ROBO1: variants seen among roughly 807,000 people sequenced by gnomAD.
ROBO1 encodes roundabout homolog 1.
Under a neutral mutation model 195.9 loss-of-function variants are expected in ROBO1, and 149 were observed. The observed-to-expected ratio is 0.76, with a 90% CI of 0.67 to 0.87. The LOEUF is 0.87. Among genes scored for constraint, ROBO1 ranks in the 40% least tolerant of loss-of-function variants. The probability of loss-of-function intolerance (pLI) is 0.00; values close to 1 mark genes in which losing one functional copy is unlikely to be tolerated. For synonymous variants in ROBO1, 816 were observed against 733.2 expected (o/e 1.11, Z -1.82); for missense variants, 1,933 against 2,068.3 (o/e 0.93, Z 1.27).
chr3:78,646,122 A>T, intron 21 of ROBO1, 26 bp downstream of exon 21: 2 of 1,595,052 alleles, frequency 1.3e-6, no homozygotes, highest in East Asian at 2.2e-5. Flanking sequence ...TCCCTGTAGG[A>T]TCTACAAAAC....
chr3:79,085,997 A>G (rs1253399739), intron 3 of ROBO1, among the ~76,000 whole-genome samples: 1 of 152,232 alleles, frequency 6.6e-6, no homozygotes, highest in Non-Finnish European at 1.5e-5. Context: ...TATTACAAAC[A>G]GCTGATAAGA....
chr3:78,867,244 C>CA (rs2035237862), intron 4 of ROBO1, among the ~76,000 whole-genome samples: 1 of 152,126 alleles, frequency 6.6e-6, no homozygotes, highest in Non-Finnish European at 1.5e-5. Flanking sequence ...GCTACCTTGT[C>CA]AGGAAACTGG....
intron 4 of ROBO1, chr3:78,938,290 C>T: frequency 3.3e-6 from 1 of 301,598 alleles, no homozygotes; most frequent in East Asian, 8.3e-5. Flanking sequence ...GCACATGGTT[C>T]CCTATTCAAT....
intron 1 of ROBO1, among the ~76,000 whole-genome samples, chr3:79,701,737 A>AT (rs1168419315): frequency 6.6e-6 from 1 of 151,786 alleles, no homozygotes; most frequent in Non-Finnish European, 1.5e-5. Flanking sequence ...ACCAAGTGAG[A>AT]TGTACATGTA....
chr3:79,091,283 T>A (rs2079475377), intron 3 of ROBO1, among the ~76,000 whole-genome samples: 1 of 152,184 alleles, frequency 6.6e-6, no homozygotes, highest in African/African-American at 2.4e-5. Flanking sequence ...TGGATGAGAC[T>A]GTCCATTGCA....
chr3:79,757,219 T>G (rs754557366), intron 1 of ROBO1, among the ~76,000 whole-genome samples: 1 of 152,202 alleles, frequency 6.6e-6, no homozygotes, highest in Non-Finnish European at 1.5e-5. Context: ...ATGTTTAATT[T>G]TTTTAGGAAC....
At chr3:78,730,972 A>G (rs534579964) in intron 5 of ROBO1, among the ~76,000 whole-genome samples, 3 of 152,284 alleles carry the variant, frequency 2.0e-5, no homozygotes, top group African/African-American at 4.8e-5. Flanking sequence ...AAAATTATCA[A>G]TAGGTACTTT....
intron 5 of ROBO1, among the ~76,000 whole-genome samples, chr3:78,734,394 C>G (rs1197233029): frequency 4.7e-5 from 1 of 21,098 alleles, no homozygotes; most frequent in Non-Finnish European, 8.8e-5. Flanking sequence ...GACCCCACCG[C>G]CACAAAAAAA....
At chr3:78,614,909 GA>G (rs1481458212) in intron 27 of ROBO1, 109 bp from the exon 28 acceptor site, 5 of 1,140,206 alleles carry the variant, frequency 4.4e-6, no homozygotes, top group African/African-American at 1.6e-5. Context: ...TAATTTTTCT[GA>G]AAAGCAACAA....
rs563352082 is a variant in ROBO1 at position 78,952,925 on chromosome 3, T to C, written c.173-13998A>G. Among the ~76,000 whole-genome samples the C allele has an allele frequency of 2.6e-5, 4 of 152,202 alleles. No individual in the cohort carries two copies. The East Asian group carries it at 5.8e-4, about 22-fold the overall frequency. On this transcript the variant is annotated intron_variant, in intron 3 of 30. Transcript: ENST00000464233. ...AACCCTAATAATTAACTGAGTGCCA[T>C]TGGTAGAATTTATCATCTAAAATGG...
intron 2 of ROBO1, among the ~76,000 whole-genome samples, chr3:79,273,857 G>T (rs2030787884): frequency 6.6e-6 from 1 of 151,914 alleles, no homozygotes; most frequent in Admixed American, 6.6e-5. Context: ...AGACAAAACA[G>T]ATTTAAAAAA....
At chr3:78,929,298 T>C (rs762386296) in intron 4 of ROBO1, among the ~76,000 whole-genome samples, 55 of 152,246 alleles carry the variant, frequency 3.6e-4, no homozygotes, top group Non-Finnish European at 6.9e-4. Flanking sequence ...GATAACCAGA[T>C]GCACCTTTCC....
chr3:79,125,845 C>A (rs977766592), intron 2 of ROBO1, among the ~76,000 whole-genome samples: 1 of 152,154 alleles, frequency 6.6e-6, no homozygotes, highest in African/African-American at 2.4e-5. Context: ...GCCGCCAGCA[C>A]GGACTGAGAG....
chr3:79,688,879 T>A (rs1947215688), intron 1 of ROBO1, among the ~76,000 whole-genome samples: 1 of 152,042 alleles, frequency 6.6e-6, no homozygotes, highest in South Asian at 2.1e-4. Flanking sequence ...TACACATGCA[T>A]GCACATGTAA....
chr3:79,301,102 T>C (rs948043765), intron 2 of ROBO1, among the ~76,000 whole-genome samples: 1 of 152,064 alleles, frequency 6.6e-6, no homozygotes, highest in African/African-American at 2.4e-5. Context: ...CTCTTTGCAA[T>C]AAATGTTGCT....
intron 2 of ROBO1, among the ~76,000 whole-genome samples, chr3:79,393,737 A>G (rs2037039022): frequency 1.3e-5 from 2 of 152,178 alleles, no homozygotes; most frequent in Admixed American, 1.3e-4. Context: ...CTTATTATAA[A>G]GAGCATGTCT....
At chr3:79,153,749 A>G (rs2080812313) in intron 2 of ROBO1, among the ~76,000 whole-genome samples, 1 of 147,944 alleles carries the variant, frequency 6.8e-6, no homozygotes, top group Admixed American at 6.8e-5. Context: ...TAGTATTTAT[A>G]TATAATATAA....
chr3:78,832,384 A>G (rs1283546242), intron 4 of ROBO1, among the ~76,000 whole-genome samples: 1 of 152,174 alleles, frequency 6.6e-6, no homozygotes, highest in Non-Finnish European at 1.5e-5. Flanking sequence ...CCTTTAAAGC[A>G]GATCTCAGCC....
intron 4 of ROBO1, among the ~76,000 whole-genome samples, chr3:78,867,028 G>C (rs2035227162): frequency 6.6e-6 from 1 of 152,170 alleles, no homozygotes; most frequent in South Asian, 2.1e-4. Flanking sequence ...ATTTGTATTT[G>C]AAAGACTTGG....
Sources: allele counts gnomAD v4.1 joint callset (sites outside exome capture counted in the v4.1 genomes callset), GRCh38; gene constraint gnomAD v4.1.1; transcripts MANE v1.5; gene names NCBI Gene and HGNC (gene_info 2026-07-23, HGNC 2026-07-21).